Variants in OR2L13 observed in about 807,000 individuals in gnomAD.
The protein encoded by OR2L13 is olfactory receptor 2L13.
OR2L13 carries 14 observed loss-of-function variants against 15.3 expected under a neutral mutation model. The ratio of observed to expected loss-of-function variants is 0.91; its 90% CI spans 0.60 to 1.43. The LOEUF (loss-of-function observed/expected upper bound fraction) is 1.43, where lower values mean the gene tolerates loss of function less well. OR2L13 is among the 40% of genes most tolerant of loss of function. The probability of loss-of-function intolerance (pLI) is 0.00; values close to 1 mark genes in which losing one functional copy is unlikely to be tolerated. For missense variants in OR2L13, 367 were observed against 387.9 expected (o/e 0.95, Z 0.45); for synonymous variants, 152 against 142.9 (o/e 1.06, Z -0.45).
the OR2L13 span, among the ~76,000 whole-genome samples, chr1:247,943,977 A>G: frequency 6.6e-6 from 1 of 152,134 alleles, no homozygotes; most frequent in Non-Finnish European, 1.5e-5. Context: ...TCCCTTTTTG[A>G]AAAAAGGTTG....
chr1:248,097,911 T>G (rs907221275), intron 1 of OR2L13, among the ~76,000 whole-genome samples: 1 of 152,344 alleles, frequency 6.6e-6, no homozygotes, highest in African/African-American at 2.4e-5. Flanking sequence ...TGATGAATCA[T>G]TCTATCCCCA....
chr1:247,979,689 T>A, the OR2L13 span, among the ~76,000 whole-genome samples: 1 of 152,076 alleles, frequency 6.6e-6, no homozygotes, highest in African/African-American at 2.4e-5. Context: ...CCCAATGAGA[T>A]GAACCAGGTA....
the OR2L13 span, chr1:248,023,246 A>G: frequency 9.5e-4 from 152 of 159,742 alleles, no homozygotes; most frequent in African/African-American, 3.3e-3. Flanking sequence ...ATAACAAATT[A>G]TTTAAGATTA....
At chr1:247,997,370 T>C in the OR2L13 span, among the ~76,000 whole-genome samples, 6 of 152,174 alleles carry the variant, frequency 3.9e-5, no homozygotes, top group African/African-American at 1.4e-4. Context: ...TCTGATTTAA[T>C]AGGAGAAAAT....
the OR2L13 span, among the ~76,000 whole-genome samples, chr1:247,963,255 C>T: frequency 3.9e-5 from 6 of 152,134 alleles, no homozygotes; most frequent in Non-Finnish European, 5.9e-5. Flanking sequence ...GTTCCAGGAA[C>T]GGAGGGGTCC....
chr1:248,093,387 T>G (rs1664645093), upstream of OR2L13, among the ~76,000 whole-genome samples: 1 of 152,202 alleles, frequency 6.6e-6, no homozygotes, highest in South Asian at 2.1e-4. Context: ...TTCATTGCTG[T>G]GTATGGATCT....
chr1:248,004,076 T>A, the OR2L13 span: 4 of 1,597,264 alleles, frequency 2.5e-6, no homozygotes, highest in Non-Finnish European at 3.4e-6. Context: ...GTAGAAACAC[T>A]TTCTGCCTAA....
the OR2L13 span, among the ~76,000 whole-genome samples, chr1:248,067,565 G>A: frequency 6.6e-6 from 1 of 152,230 alleles, no homozygotes; most frequent in Non-Finnish European, 1.5e-5. Flanking sequence ...CAGCGTGAGC[G>A]ATGCAGAAGA....
At chr1:248,100,118 T>C in exon 3 of OR2L13, 1 of 1,614,128 alleles carries the variant, frequency 6.2e-7, no homozygotes, top group African/African-American at 1.3e-5. Context: ...ACTGTAGTGA[T>C]CTTTTACTAT....
the OR2L13 span, among the ~76,000 whole-genome samples, chr1:247,944,773 G>A: frequency 6.6e-6 from 1 of 152,064 alleles, no homozygotes. Flanking sequence ...GGACATACAC[G>A]TGCATGTACC....
At chr1:248,007,546 A>G in the OR2L13 span, among the ~76,000 whole-genome samples, 1 of 152,226 alleles carries the variant, frequency 6.6e-6, no homozygotes, top group East Asian at 1.9e-4. Flanking sequence ...ACACAAGATA[A>G]TTTTGAAAGT....
At chr1:248,069,798 AAAC>A in the OR2L13 span, among the ~76,000 whole-genome samples, 5 of 152,172 alleles carry the variant, frequency 3.3e-5, no homozygotes, top group Admixed American at 1.3e-4. Context: ...GGGAAATGGA[AAAC>A]AAAAAAAGGC....
the OR2L13 span, among the ~76,000 whole-genome samples, chr1:248,085,040 C>A: frequency 9.2e-5 from 14 of 152,164 alleles, no homozygotes; most frequent in Non-Finnish European, 1.8e-4. Flanking sequence ...GACAATAAAA[C>A]AGGCAAAATA....
At chr1:247,954,801 C>T in the OR2L13 span, among the ~76,000 whole-genome samples, 4 of 151,948 alleles carry the variant, frequency 2.6e-5, no homozygotes, top group South Asian at 2.1e-4. Context: ...GATAAGAATA[C>T]GACTTGAAAA....
chr1:247,949,440 G>C, the OR2L13 span: 6 of 1,592,294 alleles, frequency 3.8e-6, no homozygotes, highest in South Asian at 6.6e-5. Context: ...CTGGGTCTAT[G>C]AGGGCACAGT....
chr1:248,068,376 C>T, the OR2L13 span, among the ~76,000 whole-genome samples: 29 of 152,202 alleles, frequency 1.9e-4, 1 homozygote, highest in South Asian at 4.4e-3. Context: ...CTGCTGGTAC[C>T]CAGGCAAACA....
At chr1:248,038,294 T>G in the OR2L13 span, 3 of 1,611,554 alleles carry the variant, frequency 1.9e-6, no homozygotes, top group African/African-American at 4.0e-5. Flanking sequence ...AAACATCAAC[T>G]GATTTCATCT....
the OR2L13 span, among the ~76,000 whole-genome samples, chr1:247,995,736 AT>A: frequency 6.6e-6 from 1 of 151,870 alleles, no homozygotes; most frequent in Non-Finnish European, 1.5e-5. Flanking sequence ...TTGTTTATTT[AT>A]TTTTTTGAGA....
At chr1:247,978,918 G>T in the OR2L13 span, among the ~76,000 whole-genome samples, 61 of 151,956 alleles carry the variant, frequency 4.0e-4, no homozygotes, top group African/African-American at 1.4e-3. Context: ...CAGACTGCAG[G>T]CTTCCTTTGT....
Sources: gnomAD v4.1 joint callset for allele counts (sites outside exome capture counted in the v4.1 genomes callset) on GRCh38, gnomAD v4.1.1 for gene constraint, MANE v1.5 for transcripts, NCBI Gene and HGNC (gene_info 2026-07-23, HGNC 2026-07-21) for gene names.